PROM1: variants seen among roughly 807,000 people sequenced by gnomAD.
The protein encoded by PROM1 is prominin 1.
In PROM1, 105 loss-of-function variants were observed where a neutral mutation model predicts 116.9. The ratio of observed to expected loss-of-function variants is 0.90; its 90% CI spans 0.77 to 1.06. The LOEUF (loss-of-function observed/expected upper bound fraction) is 1.06. PROM1 is among the 50% of genes least tolerant of loss of function. The probability of loss-of-function intolerance (pLI) is 0.00; values close to 1 mark genes in which losing one functional copy is unlikely to be tolerated. For missense variants in PROM1, 1,122 were observed against 1,045.2 expected (o/e 1.07, Z -1.01); for synonymous variants, 393 against 387.0 (o/e 1.02, Z -0.18).
At chr4:16,029,675 T>C (rs1732203607) in intron 5 of PROM1, among the ~76,000 whole-genome samples, 1 of 152,162 alleles carries the variant, frequency 6.6e-6, no homozygotes, top group South Asian at 2.1e-4. Context: ...AAAGAAAAGA[T>C]TTACATTTTT....
intron 2 of PROM1, among the ~76,000 whole-genome samples, chr4:16,044,924 T>C (rs938905717): frequency 6.6e-6 from 1 of 152,164 alleles, no homozygotes; most frequent in Non-Finnish European, 1.5e-5. Context: ...TCTCTGGCTG[T>C]GCTGGCATTA....
chr4:16,064,185 G>C (rs1740990712), intron 2 of PROM1, among the ~76,000 whole-genome samples: 1 of 152,090 alleles, frequency 6.6e-6, no homozygotes, highest in Non-Finnish European at 1.5e-5. Flanking sequence ...TTCATAGCAG[G>C]ACTAAGCATA....
At chr4:15,991,597 T>A in intron 17 of PROM1, among the ~76,000 whole-genome samples, 1 of 138,292 alleles carries the variant, frequency 7.2e-6, no homozygotes, top group East Asian at 2.0e-4. Context: ...TACGTAATCT[T>A]TTTTTTTTTT....
intron 23 of PROM1, among the ~76,000 whole-genome samples, chr4:15,983,629 G>T (rs1344696670): frequency 2.6e-5 from 4 of 152,188 alleles, no homozygotes; most frequent in African/African-American, 9.7e-5. Context: ...AGTGAAAGAA[G>T]ATGAGTATGT....
At chr4:15,994,145 G>C (rs1721743183) in intron 15 of PROM1, 74 bp from the exon 16 acceptor site, 1 of 1,597,310 alleles carries the variant, frequency 6.3e-7, no homozygotes, top group Non-Finnish European at 8.5e-7. Context: ...TGAAGATGAG[G>C]AGAAAGGCTC....
intron 2 of PROM1, among the ~76,000 whole-genome samples, chr4:16,069,255 A>G (rs1742267482): frequency 6.6e-6 from 1 of 152,156 alleles, no homozygotes; most frequent in Non-Finnish European, 1.5e-5. Flanking sequence ...AAAAACAAAA[A>G]CCAAAACAAA....
In PROM1 at chr4:16,020,093, T is replaced by C. The variant is rs79628202; in HGVS notation, c.785-1553A>G. On this transcript the variant is annotated intron_variant, in intron 8 of 27. Transcript: ENST00000447510. ...TGATTCCAGGTTGTGCCCTAATAGC[T>C]TGTGGGGCTGAGCTCTTAGGAGATG... Among the ~76,000 whole-genome samples the C allele has an allele frequency of 2.0e-4, 30 of 152,240 alleles. 1 individual carries two copies. The East Asian group carries it at 5.4e-3, about 27-fold the overall frequency.
At chr4:16,041,361 G>A (rs1451036148) in intron 2 of PROM1, among the ~76,000 whole-genome samples, 1 of 152,120 alleles carries the variant, frequency 6.6e-6, no homozygotes, top group African/African-American at 2.4e-5. Flanking sequence ...AAAAAAAATG[G>A]TAACTACACA....
chr4:16,047,887 A>G (rs185891433), intron 2 of PROM1, among the ~76,000 whole-genome samples: 21 of 152,292 alleles, frequency 1.4e-4, no homozygotes, highest in African/African-American at 4.8e-4. Context: ...GGCCACACAT[A>G]GTCTCTGAGG....
At position 15,992,332 on chromosome 4, in the gene PROM1, C is replaced by A. The variant is rs1721272021; in HGVS notation, c.1827G>T (p.Leu609=). 2 of 1,613,758 alleles carry A rather than the reference C, an allele frequency of 1.2e-6. No individual in the cohort carries two copies. The highest frequency in any genetic ancestry group is 1.7e-5 in the Admixed American group (1 of 59,986). ...ESLKVNLNIF[L]LGAAGRKNLQ... is the part of the protein sequence containing the mutation. ...GGTTTTTTCTTCCTGCTGCACCCAA[C>A]AGAAAGATATTAAGATTTACCTTCA... The change falls in exon 17 of 28, where the codon CTG becomes CTT. Residue 609 remains leucine, a synonymous_variant. Coordinates refer to ENST00000447510, the MANE Select transcript of PROM1 (RefSeq NM_006017.3).
At chr4:16,038,425 T>C (rs1316622276) in intron 3 of PROM1, among the ~76,000 whole-genome samples, 1 of 152,196 alleles carries the variant, frequency 6.6e-6, no homozygotes, top group Non-Finnish European at 1.5e-5. Flanking sequence ...TATTTTGAGA[T>C]GGAGTCTCAC....
chr4:16,008,251 T>C (rs1283154336), intron 12 of PROM1, among the ~76,000 whole-genome samples: 4 of 152,196 alleles, frequency 2.6e-5, no homozygotes, highest in Non-Finnish European at 5.9e-5. Context: ...ACCTAATACA[T>C]GATCCTCTAA....
chr4:16,033,475 C>T lies in PROM1; in HGVS notation c.338G>A (p.Cys113Tyr), dbSNP rs376789817. 8 of 1,610,014 alleles carry T rather than the reference C, an allele frequency of 5.0e-6. No homozygotes were observed. The highest frequency in any genetic ancestry group is 5.9e-6 in the Non-Finnish European group (7 of 1,178,216). Reference sequence around the variant, plus strand: ...AATAATAAACAGCAGCCCCAGGACACAGCATAGAATAATCCCTGCTTCATA... The same window carrying T: ...AATAATAAACAGCAGCCCCAGGACATAGCATAGAATAATCCCTGCTTCATA... ...VYYEAGIILC[C>Y]VLGLLFIILM... Residue 113 changes from cysteine to tyrosine, a missense_variant, in exon 5 of 28, where the codon TGT (cysteine) becomes TAT (tyrosine). By Grantham distance (194) the Cys-to-Tyr change is radical. Coordinates refer to ENST00000447510, the MANE Select transcript of PROM1 (RefSeq NM_006017.3).
Position 16,033,381 on chromosome 4 carries a change from G to T in PROM1, c.432C>A (p.His144Gln), listed in dbSNP as rs375329275. 4 of 1,613,632 alleles carry T rather than the reference G, an allele frequency of 2.5e-6. No individual in the cohort carries two copies. The highest frequency in any genetic ancestry group is 3.4e-6 in the Non-Finnish European group (4 of 1,179,842). ...RCCNKCGGEMHQRQKENGPFL... is the reference protein window; with the variant it reads ...RCCNKCGGEMQQRQKENGPFL... Reference sequence around the variant, plus strand: ...AGGGCCCATTTTCCTTCTGTCGCTGGTGCATTTCTCCACCACATTTGTTAC... The same window carrying T: ...AGGGCCCATTTTCCTTCTGTCGCTGTTGCATTTCTCCACCACATTTGTTAC... Residue 144 changes from histidine (H) to glutamine (Q), a missense_variant, in exon 5 of 28, where the codon CAC (histidine) becomes CAA (glutamine). Physicochemically the swap from His to Gln is conservative, Grantham distance 24 (BLOSUM62 0). Coordinates refer to ENST00000447510, the MANE Select transcript of PROM1 (RefSeq NM_006017.3).
At chr4:16,020,929 G>T (rs1385106126) in intron 8 of PROM1, among the ~76,000 whole-genome samples, 1 of 152,122 alleles carries the variant, frequency 6.6e-6, no homozygotes, top group Non-Finnish European at 1.5e-5. Context: ...AAGTGGAAAA[G>T]ATATCTAAGG....
intron 2 of PROM1, among the ~76,000 whole-genome samples, chr4:16,044,483 C>A (rs894856129): frequency 3.9e-5 from 6 of 152,156 alleles, no homozygotes; most frequent in Non-Finnish European, 8.8e-5. Flanking sequence ...TGCCTCTCTG[C>A]GGAGAGACCA....
chr4:15,991,096 G>C, intron 18 of PROM1, 126 bp downstream of exon 18: 1 of 718,540 alleles, frequency 1.4e-6, no homozygotes, highest in East Asian at 3.0e-5. Context: ...ACACACACAA[G>C]AGAGGTGTTT....
chr4:16,059,867 A>T (rs1044532782), intron 2 of PROM1, among the ~76,000 whole-genome samples: 1 of 152,248 alleles, frequency 6.6e-6, no homozygotes, highest in African/African-American at 2.4e-5. Flanking sequence ...GCAATTAAAA[A>T]AAATGGTAGT....
intron 2 of PROM1, among the ~76,000 whole-genome samples, chr4:16,074,199 G>T (rs1274972119): frequency 1.3e-5 from 2 of 152,096 alleles, no homozygotes; most frequent in Non-Finnish European, 2.9e-5. Flanking sequence ...TGTACATTTT[G>T]AAATAACTAA....
Sources: gnomAD v4.1 joint callset for allele counts (sites outside exome capture counted in the v4.1 genomes callset) on GRCh38, gnomAD v4.1.1 for gene constraint, MANE v1.5 for transcripts, NCBI Gene and HGNC (gene_info 2026-07-23, HGNC 2026-07-21) for gene names.